EFCAB6: variants seen among roughly 807,000 people sequenced by gnomAD.
EFCAB6 encodes the protein EF-hand calcium-binding domain-containing protein 6.
EFCAB6 carries 156 observed loss-of-function variants against 169.8 expected under a neutral mutation model. That is an observed-to-expected ratio of 0.92 (90% confidence interval 0.81 to 1.05). EFCAB6 has a LOEUF of 1.05. Among genes scored for constraint, EFCAB6 ranks in the 50% least tolerant of loss-of-function variants. The pLI is 0.00. For synonymous variants in EFCAB6, 698 were observed against 676.4 expected (o/e 1.03, Z -0.50); for missense variants, 1,800 against 1,829.1 (o/e 0.98, Z 0.29).
At chr22:43,616,154 CTT>C (rs1411534812) in intron 20 of EFCAB6, among the ~76,000 whole-genome samples, 1 of 152,200 alleles carries the variant, frequency 6.6e-6, no homozygotes, top group Non-Finnish European at 1.5e-5. Context: ...TGCTATTCAA[CTT>C]TTTTCTTTTC....
intron 10 of EFCAB6, among the ~76,000 whole-genome samples, chr22:43,687,796 A>G (rs533502226): frequency 7.2e-5 from 11 of 152,366 alleles, no homozygotes; most frequent in African/African-American, 2.6e-4. Flanking sequence ...GCATGCCTCT[A>G]TATTGTTAAT....
At chr22:43,734,268 A>G (rs1469594524) in intron 7 of EFCAB6, among the ~76,000 whole-genome samples, 1 of 152,256 alleles carries the variant, frequency 6.6e-6, no homozygotes, top group Non-Finnish European at 1.5e-5. Context: ...TCCAGGAAAG[A>G]GTATATTCTT....
At chr22:43,597,727 G>C (rs5764156) in intron 23 of EFCAB6, among the ~76,000 whole-genome samples, 1 of 152,050 alleles carries the variant, frequency 6.6e-6, no homozygotes, top group Non-Finnish European at 1.5e-5. Flanking sequence ...GAAATTCTAT[G>C]ATACTGCTGG....
At chr22:43,556,540 T>A (rs1321807143) in intron 26 of EFCAB6, among the ~76,000 whole-genome samples, 1 of 152,060 alleles carries the variant, frequency 6.6e-6, no homozygotes, top group African/African-American at 2.4e-5. Flanking sequence ...ATGCAAAGGG[T>A]TTCACCGGAG....
chr22:43,734,787 G>A (rs1226024892), intron 7 of EFCAB6, among the ~76,000 whole-genome samples: 1 of 151,730 alleles, frequency 6.6e-6, no homozygotes, highest in African/African-American at 2.4e-5. Context: ...ATTTTTTCAA[G>A]TCTGCCTGCT....
chr22:43,556,221 TG>T (rs1165834855), intron 26 of EFCAB6, among the ~76,000 whole-genome samples: 5 of 148,144 alleles, frequency 3.4e-5, no homozygotes, highest in Admixed American at 3.4e-4. Flanking sequence ...GGGTCAGGGG[TG>T]GGGGGAAATG....
intron 23 of EFCAB6, among the ~76,000 whole-genome samples, chr22:43,590,995 A>G (rs2051474619): frequency 6.6e-6 from 1 of 151,930 alleles, no homozygotes; most frequent in Admixed American, 6.6e-5. Flanking sequence ...TTTTTTAACC[A>G]GGCACTTTTA....
chr22:43,652,138 G>A (rs562960157), intron 17 of EFCAB6, among the ~76,000 whole-genome samples: 1 of 152,186 alleles, frequency 6.6e-6, no homozygotes, highest in South Asian at 2.1e-4. Flanking sequence ...TGGTTTAGCT[G>A]TGTCCCCACC....
chr22:43,667,065 T>G (rs757313909), intron 17 of EFCAB6, 39 bp downstream of exon 17: 1 of 1,591,478 alleles, frequency 6.3e-7, no homozygotes, highest in South Asian at 1.1e-5. Flanking sequence ...ACAGCTGAAC[T>G]TCTGCAGGAT....
intron 24 of EFCAB6, among the ~76,000 whole-genome samples, chr22:43,587,556 C>A (rs967579215): frequency 3.3e-5 from 5 of 152,314 alleles, no homozygotes; most frequent in Middle Eastern, 3.4e-3. Flanking sequence ...TCACTCTACT[C>A]TTTGCCTCCC....
At chr22:43,671,834 C>T (rs2057506229) in intron 15 of EFCAB6, 139 bp downstream of exon 15, 2 of 1,013,840 alleles carry the variant, frequency 2.0e-6, no homozygotes, top group Admixed American at 2.8e-5. Flanking sequence ...ATGTCCAGTG[C>T]TAAGCAAGGA....
chr22:43,554,784 T>C, intron 27 of EFCAB6, 85 bp downstream of exon 27: 1 of 1,175,016 alleles, frequency 8.5e-7, no homozygotes, highest in Non-Finnish European at 1.3e-6. Context: ...TAGAGAACAG[T>C]CTTAAACTCT....
intron 26 of EFCAB6, among the ~76,000 whole-genome samples, chr22:43,562,064 G>GCAAA (rs1379145587): frequency 1.3e-5 from 2 of 152,164 alleles, no homozygotes; most frequent in African/African-American, 2.4e-5. Flanking sequence ...AGTTCAACAA[G>GCAAA]CAAACAAACA....
At chr22:43,730,959 C>T (rs1171126025) in intron 8 of EFCAB6, among the ~76,000 whole-genome samples, 1 of 152,176 alleles carries the variant, frequency 6.6e-6, no homozygotes, top group Non-Finnish European at 1.5e-5. Context: ...TGAAACCACA[C>T]AGAGACAACC....
At chr22:43,604,574 C>G (rs1488533172) in intron 22 of EFCAB6, among the ~76,000 whole-genome samples, 1 of 152,168 alleles carries the variant, frequency 6.6e-6, no homozygotes, top group South Asian at 2.1e-4. Flanking sequence ...CTTTTAAAAC[C>G]CTTTCCCATC....
At chr22:43,564,253 G>A (rs2049272770) in intron 26 of EFCAB6, among the ~76,000 whole-genome samples, 1 of 152,054 alleles carries the variant, frequency 6.6e-6, no homozygotes, top group Non-Finnish European at 1.5e-5. Context: ...TTCGAGACCA[G>A]CCTGGCCAAC....
chr22:43,577,142 G>A (rs1347306970), intron 25 of EFCAB6, among the ~76,000 whole-genome samples: 3 of 152,218 alleles, frequency 2.0e-5, no homozygotes, highest in Non-Finnish European at 4.4e-5. Flanking sequence ...GGGGGCACAC[G>A]TTGTGAATCC....
rs764486193 is a variant in EFCAB6, at chr22:43,744,536, C to G, written c.508-8543G>C. On this transcript the variant is annotated intron_variant, in intron 6 of 31. Transcript: ENST00000262726. The surrounding 1 kb of genome is among the most constrained non-coding windows in gnomAD (Gnocchi z 4.3). ...AGAGGACACCATGACAGGTAGAAAT[C>G]TTGAGCTGTCCTGTTCCCAAGGGAC... Among the ~76,000 whole-genome samples the G allele has an allele frequency of 3.3e-5, 5 of 152,130 alleles. No homozygotes were observed. The highest frequency in any genetic ancestry group is 5.9e-5 in the Non-Finnish European group (4 of 68,028).
intron 25 of EFCAB6, among the ~76,000 whole-genome samples, chr22:43,577,350 G>T (rs1356213583): frequency 6.6e-6 from 1 of 152,094 alleles, no homozygotes; most frequent in African/African-American, 2.4e-5. Context: ...TTCTCATTCG[G>T]GGCTAATTAG....
Sources: gnomAD v4.1 joint callset for allele counts (sites outside exome capture counted in the v4.1 genomes callset) on GRCh38, gnomAD v4.1.1 for gene constraint, Gnocchi (gnomAD v3.1) non-coding constraint, MANE v1.5 for transcripts, NCBI Gene and HGNC (gene_info 2026-07-23, HGNC 2026-07-21) for gene names.